The following DIAPH2 variants were observed in gnomAD, a reference collection of about 807,000 sequenced individuals.
The protein encoded by DIAPH2 is protein diaphanous homolog 2.
Under a neutral mutation model 92.7 loss-of-function variants are expected in DIAPH2, and 35 were observed. That is an observed-to-expected ratio of 0.38 (90% CI 0.29 to 0.50). The LOEUF (loss-of-function observed/expected upper bound fraction) is 0.50, where lower values mean the gene tolerates loss of function less well. DIAPH2 is among the 20% of genes least tolerant of loss of function. The pLI is 0.94. For synonymous variants in DIAPH2, 301 were observed against 280.4 expected, an observed-to-expected ratio of 1.07 and a Z score of -0.73; for missense variants, 701 against 819.5, an observed-to-expected ratio of 0.86 and a Z score of 1.77.
At chrX:97,046,602 A>T (rs2066486074) in intron 17 of DIAPH2, among the ~76,000 whole-genome samples, 1 of 112,132 alleles carries the variant, frequency 8.9e-6, no homozygotes, top group South Asian at 3.7e-4. Context: ...ATTGATTATT[A>T]TTACTTTAGA....
chrX:97,301,039 C>T lies in DIAPH2; in HGVS notation c.2845-47077C>T, dbSNP rs781081944. Among the ~76,000 whole-genome samples, 56 of 97,662 alleles carry T rather than the reference C, an allele frequency of 5.7e-4. 1 individual carries two copies. The highest frequency in any genetic ancestry group is 2.0e-3 in the African/African-American group (54 of 26,805). 84.8% of individuals were successfully genotyped at this position (97,662 alleles called of 115,157 possible). On this transcript the variant is annotated intron_variant, in intron 23 of 26. Transcript: ENST00000324765. ...AAGTAATTGGCCGGGCGCAGTGGCTCACGCCTGTAATCCCAGCACTTTGGG... is the reference window on the plus strand; with the variant it reads ...AAGTAATTGGCCGGGCGCAGTGGCTTACGCCTGTAATCCCAGCACTTTGGG...
chrX:96,854,023 A>G (rs2065021208), intron 4 of DIAPH2, among the ~76,000 whole-genome samples: 3 of 111,617 alleles, frequency 2.7e-5, no homozygotes, highest in African/African-American at 9.7e-5. Context: ...TTCAGTTTGT[A>G]TCACAGTATA....
chrX:97,238,407 C>T (rs2068066002), intron 22 of DIAPH2, among the ~76,000 whole-genome samples: 1 of 111,655 alleles, frequency 9.0e-6, no homozygotes, highest in African/African-American at 3.3e-5. Flanking sequence ...TCAGTTCAGA[C>T]CACATTATGA....
At chrX:97,185,240 C>G (rs1752523489) in intron 22 of DIAPH2, among the ~76,000 whole-genome samples, 1 of 86,742 alleles carries the variant, frequency 1.2e-5, no homozygotes, top group Non-Finnish European at 2.2e-5. Context: ...ACAGAGATTG[C>G]AGTGAGCCAA....
chrX:96,970,711 T>A (rs917631170), intron 17 of DIAPH2, among the ~76,000 whole-genome samples: 2 of 111,391 alleles, frequency 1.8e-5, no homozygotes, highest in Non-Finnish European at 3.8e-5. Context: ...AGTTAATTCT[T>A]TGTGTGGATT....
chrX:97,047,698 CTG>C (rs952175894), intron 17 of DIAPH2, among the ~76,000 whole-genome samples: 6 of 107,095 alleles, frequency 5.6e-5, no homozygotes, highest in Non-Finnish European at 9.6e-5. Flanking sequence ...TCTTGGTTCT[CTG>C]TGACCGTGTG....
chrX:97,495,294 G>T, intron 26 of DIAPH2, among the ~76,000 whole-genome samples: 1 of 112,176 alleles, frequency 8.9e-6, no homozygotes, highest in Non-Finnish European at 1.9e-5. Context: ...TTAAGTTGGT[G>T]TTTCTATGGG....
At position 96,937,185 on chromosome X, in the gene DIAPH2, C is replaced by T. The variant is rs750865538; in HGVS notation, c.1090-48C>T. On this transcript the variant is annotated intron_variant, in intron 10 of 26. Transcript: ENST00000324765. ...TCTGCCCTTTATTACCTAAATATGC[C>T]GTTGTCAAACTGTTATTCATGTGTT... 2.8e-5 allele frequency: 19 copies of T among 668,989 alleles called. No individual in the cohort carries two copies. The East Asian group carries it at 5.4e-4, about 19-fold the overall frequency. 55.1% of individuals were successfully genotyped at this position (668,989 alleles called of 1,213,427 possible).
intron 23 of DIAPH2, among the ~76,000 whole-genome samples, chrX:97,291,391 C>T (rs189930448): frequency 1.8e-5 from 2 of 111,246 alleles, no homozygotes; most frequent in East Asian, 5.7e-4. Flanking sequence ...AGAGCAAAAA[C>T]TCTGTCTCAA....
At chrX:96,904,727 T>C (rs1247600095) in intron 5 of DIAPH2, among the ~76,000 whole-genome samples, 2 of 111,364 alleles carry the variant, frequency 1.8e-5, no homozygotes, top group African/African-American at 6.5e-5. Flanking sequence ...CTTTCTTTCC[T>C]TAAGTGTATG....
intron 7 of DIAPH2, among the ~76,000 whole-genome samples, chrX:96,914,661 T>TAG (rs1481671906): frequency 3.6e-5 from 4 of 110,515 alleles, no homozygotes; most frequent in Non-Finnish European, 7.6e-5. Flanking sequence ...AAGATTCTTA[T>TAG]AGAGCCCTTT....
chrX:97,532,828 A>G lies in DIAPH2; in HGVS notation c.3242-66425A>G, dbSNP rs757457139. 7.2e-5 allele frequency among the ~76,000 whole-genome samples: 8 copies of G among 110,366 alleles called. No homozygotes were observed. The East Asian group carries it at 1.7e-3, about 24-fold the overall frequency. On this transcript the variant is annotated intron_variant, in intron 26 of 26. Coordinates refer to ENST00000324765, the MANE Select transcript of DIAPH2 (RefSeq NM_006729.5). Reference sequence around the variant, plus strand: ...GTCAGCAGGGGAAGTCTCTGTATAGACTGTCTGAGGACATGGCAGTTGACT... The same window carrying G: ...GTCAGCAGGGGAAGTCTCTGTATAGGCTGTCTGAGGACATGGCAGTTGACT...
intron 4 of DIAPH2, among the ~76,000 whole-genome samples, chrX:96,774,845 A>G (rs985655138): frequency 8.9e-6 from 1 of 112,052 alleles, no homozygotes; most frequent in African/African-American, 3.2e-5. Context: ...GTCTTAATAC[A>G]CTTTAGACAT....
chrX:97,008,038 A>G (rs1309561560), intron 17 of DIAPH2, among the ~76,000 whole-genome samples: 1 of 101,303 alleles, frequency 9.9e-6, no homozygotes, highest in Non-Finnish European at 2.0e-5. Flanking sequence ...CTGGGATTAC[A>G]GATGTGAGCC....
At chrX:96,882,978 A>AC (rs1436636369) in intron 5 of DIAPH2, among the ~76,000 whole-genome samples, 2 of 52,634 alleles carry the variant, frequency 3.8e-5, no homozygotes, top group African/African-American at 8.1e-5. Flanking sequence ...AAAAAAAAAA[A>AC]AAAAACAAAA....
intron 1 of DIAPH2, among the ~76,000 whole-genome samples, chrX:96,711,899 T>G (rs1312671543): frequency 8.9e-6 from 1 of 111,832 alleles, no homozygotes; most frequent in Non-Finnish European, 1.9e-5. Context: ...GGACTTTCTG[T>G]AGACAGTAGG....
chrX:97,394,803 G>C (rs1421182315), intron 25 of DIAPH2, among the ~76,000 whole-genome samples: 1 of 111,938 alleles, frequency 8.9e-6, no homozygotes, highest in Non-Finnish European at 1.9e-5. Flanking sequence ...ACCACACCCT[G>C]CTGGTTGAAT....
intron 23 of DIAPH2, among the ~76,000 whole-genome samples, chrX:97,257,367 A>G (rs932673393): frequency 8.9e-5 from 10 of 111,884 alleles, no homozygotes; most frequent in African/African-American, 3.2e-4. Flanking sequence ...AGTGAGGAGA[A>G]TAGGACCTAG....
At chrX:97,268,565 GA>G (rs1321627504) in intron 23 of DIAPH2, among the ~76,000 whole-genome samples, 1 of 112,207 alleles carries the variant, frequency 8.9e-6, no homozygotes, top group Admixed American at 9.5e-5. Flanking sequence ...GGTCTATTGG[GA>G]AAGAACATGC....
Sources: allele counts gnomAD v4.1 joint callset (sites outside exome capture counted in the v4.1 genomes callset), GRCh38; gene constraint gnomAD v4.1.1; transcripts MANE v1.5; gene names NCBI Gene and HGNC (gene_info 2026-07-23, HGNC 2026-07-21).